XKR6: variants seen among roughly 807,000 people sequenced by gnomAD.
XKR6 encodes XK related 6.
In XKR6, 22 loss-of-function variants were observed where a neutral mutation model predicts 56.7. The observed-to-expected ratio is 0.39, with a 90% CI of 0.28 to 0.55. The LOEUF (loss-of-function observed/expected upper bound fraction) is 0.55, where lower values mean the gene tolerates loss of function less well. Among genes scored for constraint, XKR6 ranks in the 20% least tolerant of loss-of-function variants. The probability of loss-of-function intolerance (pLI) is 0.66; values close to 1 mark genes in which losing one functional copy is unlikely to be tolerated. For synonymous variants in XKR6, 524 were observed against 387.8 expected, an observed-to-expected ratio of 1.35 and a Z score of -4.13; for missense variants, 852 against 889.0, an observed-to-expected ratio of 0.96 and a Z score of 0.53.
chr8:11,104,347 A>C (rs939780161), intron 1 of XKR6, among the ~76,000 whole-genome samples: 1 of 152,272 alleles, frequency 6.6e-6, no homozygotes, highest in Non-Finnish European at 1.5e-5. Flanking sequence ...GCCAAGGAAG[A>C]AATCTCAGTA....
intron 1 of XKR6, among the ~76,000 whole-genome samples, chr8:11,145,876 C>A (rs1481128538): frequency 1.3e-5 from 2 of 151,938 alleles, no homozygotes; most frequent in South Asian, 4.2e-4. Flanking sequence ...TGCAAACGAC[C>A]CACAATAGTC....
At chr8:11,004,728 T>A (rs147370068) in intron 1 of XKR6, among the ~76,000 whole-genome samples, 2,347 of 152,292 alleles carry the variant, frequency 0.015, 142 homozygotes, top group Admixed American at 0.12. Context: ...CTCAAACAGA[T>A]AATTGTATAT....
chr8:11,155,102 C>A (rs1056803163), intron 1 of XKR6, among the ~76,000 whole-genome samples: 1 of 152,216 alleles, frequency 6.6e-6, no homozygotes, highest in African/African-American at 2.4e-5. Flanking sequence ...ACCACTGGCA[C>A]CTGCTTCACC....
chr8:11,175,911 A>T (rs1275056381), intron 1 of XKR6, among the ~76,000 whole-genome samples: 1 of 152,188 alleles, frequency 6.6e-6, no homozygotes, highest in Non-Finnish European at 1.5e-5. Context: ...ACAAGAATAC[A>T]GGTTAGCAAC....
chr8:11,186,567 A>T (rs1237647226), intron 1 of XKR6, among the ~76,000 whole-genome samples: 2 of 152,130 alleles, frequency 1.3e-5, no homozygotes, highest in Non-Finnish European at 2.9e-5. Context: ...TTTTGTAGAG[A>T]CAGGGTCTGC....
At chr8:11,115,803 G>A (rs1799143387) in intron 1 of XKR6, among the ~76,000 whole-genome samples, 2 of 152,164 alleles carry the variant, frequency 1.3e-5, no homozygotes, top group South Asian at 2.1e-4. Flanking sequence ...AAAAAAATCT[G>A]CAACCTCCAG....
intron 1 of XKR6, among the ~76,000 whole-genome samples, chr8:11,176,456 G>C (rs1214040862): frequency 6.6e-6 from 1 of 152,044 alleles, no homozygotes; most frequent in Non-Finnish European, 1.5e-5. Flanking sequence ...GGGAAAAAAT[G>C]GTTTCAAATA....
chr8:11,169,084 G>A (rs1802233481), intron 1 of XKR6, among the ~76,000 whole-genome samples: 2 of 152,112 alleles, frequency 1.3e-5, no homozygotes, highest in African/African-American at 4.8e-5. Flanking sequence ...GTGGTCCCAG[G>A]CCAAGCTGAG....
intron 1 of XKR6, among the ~76,000 whole-genome samples, chr8:11,177,181 C>T (rs889068488): frequency 3.9e-5 from 6 of 152,192 alleles, no homozygotes; most frequent in African/African-American, 1.2e-4. Context: ...GGCTTTGGCA[C>T]GCAGGTAGGT....
In XKR6 at chr8:11,200,505, C is replaced by T; in HGVS notation, c.764+71G>A. ...GCGCTGGGCCCTTTCGAGGGGCCGC[C>T]CCGCGAAGCACCGGGAGGGCGGAGG... On this transcript the variant is annotated intron_variant, in intron 1 of 2. Coordinates refer to ENST00000416569, the MANE Select transcript of XKR6 (RefSeq NM_173683.4). The surrounding 1 kb of genome is among the most constrained non-coding windows in gnomAD (Gnocchi z 6.4). 7.3e-7 allele frequency: 1 copy of T among 1,374,516 alleles called. No homozygotes were observed. Among genetic ancestry groups the T allele is most frequent in the Non-Finnish European group, 9.3e-7 (1 of 1,072,152 alleles). 85.1% of individuals were successfully genotyped at this position (1,374,516 alleles called of 1,614,324 possible).
Position 11,201,209 on chromosome 8 carries a change from T to TCGC in XKR6, c.128_130dup (p.Gly43dup), listed in dbSNP as rs762436563. On this transcript the variant is annotated inframe_insertion, in exon 1 of 3. Transcript: ENST00000416569. ...GCTGCTCTCGCCGGGCTCGCTGCCG[T>TCGC]CGCCGCCGCCGCCGCAGCCGCCTCC... is the stretch of plus-strand genomic sequence containing the variant. The TCGC allele has an allele frequency of 3.0e-4, 466 of 1,531,478 alleles. No homozygotes were observed. Among genetic ancestry groups the TCGC allele is most frequent in the Non-Finnish European group, 3.7e-4 (419 of 1,146,030 alleles). 94.9% of individuals were successfully genotyped at this position (1,531,478 alleles called of 1,614,324 possible). A position where few individuals can be genotyped will look rare whatever the true frequency, so the allele number is the denominator to read the frequency against.
At chr8:11,110,074 G>A (rs1333146510) in intron 1 of XKR6, among the ~76,000 whole-genome samples, 1 of 152,108 alleles carries the variant, frequency 6.6e-6, no homozygotes, top group Non-Finnish European at 1.5e-5. Flanking sequence ...CCGGGTTCAA[G>A]CAATTCTCCT....
chr8:11,009,704 G>A (rs1387543485), intron 1 of XKR6, among the ~76,000 whole-genome samples: 1 of 152,232 alleles, frequency 6.6e-6, no homozygotes, highest in East Asian at 1.9e-4. Flanking sequence ...AGTCTGTGGA[G>A]ACATGATGGC....
At chr8:10,935,408 G>C (rs975087173) in intron 1 of XKR6, among the ~76,000 whole-genome samples, 1 of 111,208 alleles carries the variant, frequency 9.0e-6, no homozygotes, top group South Asian at 2.7e-4. Context: ...CTTCAGTTCT[G>C]CTGTGATTTT....
At chr8:11,008,584 C>A (rs1276846298) in intron 1 of XKR6, among the ~76,000 whole-genome samples, 1 of 152,078 alleles carries the variant, frequency 6.6e-6, no homozygotes, top group Non-Finnish European at 1.5e-5. Context: ...CCATGCCTGG[C>A]TAATTTTTTC....
At chr8:10,952,573 C>T (rs1483765442) in intron 1 of XKR6, among the ~76,000 whole-genome samples, 3 of 152,216 alleles carry the variant, frequency 2.0e-5, no homozygotes, top group East Asian at 1.9e-4. Context: ...CCCATCTCAG[C>T]CTCCCCCGTA....
chr8:11,085,413 A>G (rs1296956944), intron 1 of XKR6, among the ~76,000 whole-genome samples: 2 of 151,958 alleles, frequency 1.3e-5, no homozygotes, highest in African/African-American at 4.8e-5. Context: ...GAGAGTGCCA[A>G]GTGTATGCTT....
intron 1 of XKR6, chr8:11,067,208 C>T (rs1294180871): frequency 1.3e-5 from 2 of 152,342 alleles, no homozygotes; most frequent in East Asian, 3.9e-4. Flanking sequence ...GAGGAGGCGG[C>T]TCTGACTCTC....
intron 1 of XKR6, among the ~76,000 whole-genome samples, chr8:11,011,318 C>T (rs1229212179): frequency 2.0e-5 from 3 of 152,208 alleles, no homozygotes; most frequent in Non-Finnish European, 4.4e-5. Context: ...TTGGGGTGGC[C>T]AGCAAGGCTT....
Sources: allele counts gnomAD v4.1 joint callset (sites outside exome capture counted in the v4.1 genomes callset), GRCh38; gene constraint gnomAD v4.1.1; non-coding constraint Gnocchi (gnomAD v3.1); transcripts MANE v1.5; gene names NCBI Gene and HGNC (gene_info 2026-07-23, HGNC 2026-07-21).